Variants in KCNB2 observed in about 807,000 individuals in gnomAD.
The protein encoded by KCNB2 is potassium voltage-gated channel subfamily B member 2, also known as delayed rectifier potassium channel protein.
A neutral mutation model predicts 61.5 loss-of-function variants in KCNB2; 15 were observed. The ratio of observed to expected loss-of-function variants is 0.24; its 90% CI spans 0.16 to 0.38. KCNB2 has a LOEUF of 0.38. Among genes scored for constraint, KCNB2 ranks in the 10% least tolerant of loss-of-function variants. KCNB2 has a pLI of 1.00. For synonymous variants in KCNB2, 457 were observed against 446.0 expected (o/e 1.02, Z -0.31); for missense variants, 828 against 1,125.2 (o/e 0.74, Z 3.78).
At chr8:72,832,685 C>T (rs1278787818) in intron 2 of KCNB2, among the ~76,000 whole-genome samples, 4 of 152,082 alleles carry the variant, frequency 2.6e-5, no homozygotes, top group African/African-American at 9.7e-5. Flanking sequence ...AGACGGAGCC[C>T]CTGAGTCAGA....
intron 2 of KCNB2, among the ~76,000 whole-genome samples, chr8:72,928,130 A>G (rs1258910936): frequency 6.6e-6 from 1 of 151,848 alleles, no homozygotes; most frequent in Middle Eastern, 3.2e-3. Context: ...TTCATGAATT[A>G]TCTTTTCAAA....
chr8:72,915,540 C>T (rs4007406), intron 2 of KCNB2, among the ~76,000 whole-genome samples: 89,637 of 151,892 alleles, frequency 0.59, 27,729 homozygotes, highest in Middle Eastern at 0.7. Flanking sequence ...TAAACATAGA[C>T]ACAGACATAG....
intron 2 of KCNB2, among the ~76,000 whole-genome samples, chr8:72,852,890 T>G (rs1347370421): frequency 6.6e-6 from 1 of 152,206 alleles, no homozygotes; most frequent in Non-Finnish European, 1.5e-5. Flanking sequence ...ATTAATACAA[T>G]GTAATCAGTA....
At position 72,722,536 on chromosome 8, in the gene KCNB2, T is replaced by C. The variant is rs143582493; in HGVS notation, c.579+154223T>C. ...CCACTCTCTTTGTCTAGCTAACACC[T>C]GTTATTCCTTTGTAGTACTTGTCAG... On this transcript the variant is annotated intron_variant, in intron 2 of 2. Coordinates refer to ENST00000523207, the MANE Select transcript of KCNB2 (RefSeq NM_004770.3). Among the ~76,000 whole-genome samples the C allele has an allele frequency of 2.0e-4, 31 of 152,344 alleles. No individual in the cohort carries two copies. In the East Asian group the frequency reaches 6.0e-3, roughly 29 times the overall value.
intron 2 of KCNB2, among the ~76,000 whole-genome samples, chr8:72,669,361 C>T (rs72668176): frequency 0.029 from 4,428 of 152,252 alleles, 99 homozygotes; most frequent in Middle Eastern, 0.082. Flanking sequence ...GTAAGTATGA[C>T]ATTTTGTTTT....
intron 2 of KCNB2, among the ~76,000 whole-genome samples, chr8:72,600,411 G>T (rs1279784216): frequency 6.6e-6 from 1 of 152,048 alleles, no homozygotes; most frequent in African/African-American, 2.4e-5. Context: ...CATGGACACA[G>T]GAAGGGGAAC....
At chr8:72,783,050 C>G (rs1808788959) in intron 2 of KCNB2, among the ~76,000 whole-genome samples, 2 of 152,120 alleles carry the variant, frequency 1.3e-5, no homozygotes, top group African/African-American at 2.4e-5. Context: ...TCAATCTACT[C>G]TACATTATAG....
intron 2 of KCNB2, among the ~76,000 whole-genome samples, chr8:72,860,651 GC>G (rs1185476675): frequency 1.3e-5 from 2 of 152,168 alleles, no homozygotes; most frequent in Non-Finnish European, 2.9e-5. Flanking sequence ...TAGCAAGCAG[GC>G]CCTTTACTAC....
intron 2 of KCNB2, among the ~76,000 whole-genome samples, chr8:72,598,833 A>G (rs1807241678): frequency 6.6e-6 from 1 of 152,198 alleles, no homozygotes. Context: ...ATCATGAGTG[A>G]ACTCCCATTC....
At chr8:72,780,554 T>A (rs1372656811) in intron 2 of KCNB2, among the ~76,000 whole-genome samples, 4 of 152,140 alleles carry the variant, frequency 2.6e-5, no homozygotes, top group Admixed American at 6.6e-5. Context: ...CAGTCCAAAG[T>A]TTCTTAATGA....
chr8:72,740,685 T>A (rs1807937705), intron 2 of KCNB2, among the ~76,000 whole-genome samples: 1 of 152,224 alleles, frequency 6.6e-6, no homozygotes, highest in Non-Finnish European at 1.5e-5. Flanking sequence ...CTCCTTTGAA[T>A]GCTTTAGTCT....
intron 2 of KCNB2, among the ~76,000 whole-genome samples, chr8:72,934,373 C>T (rs191787677): frequency 7.3e-6 from 1 of 137,548 alleles, no homozygotes; most frequent in African/African-American, 2.7e-5. Context: ...CAGAACAAAA[C>T]CTTTCCCCCT....
At chr8:72,841,372 C>CTTTTTT (rs769263287) in intron 2 of KCNB2, among the ~76,000 whole-genome samples, 254 of 33,962 alleles carry the variant, frequency 7.5e-3, no homozygotes, top group East Asian at 0.018. Context: ...TTTTTTTTTT[C>CTTTTTT]TTTTTTTTTT....
At chr8:72,922,058 A>C (rs548322887) in intron 2 of KCNB2, among the ~76,000 whole-genome samples, 1 of 152,238 alleles carries the variant, frequency 6.6e-6, no homozygotes. Context: ...CTAGAAGTCT[A>C]AAACCAAGGT....
chr8:72,646,667 G>C (rs898931322), intron 2 of KCNB2, among the ~76,000 whole-genome samples: 2 of 152,182 alleles, frequency 1.3e-5, no homozygotes, highest in Non-Finnish European at 2.9e-5. Context: ...TATACGAGGT[G>C]TCTTGAGAAG....
intron 2 of KCNB2, among the ~76,000 whole-genome samples, chr8:72,671,220 A>G (rs148527684): frequency 2.6e-3 from 400 of 152,332 alleles, no homozygotes; most frequent in African/African-American, 9.1e-3. Flanking sequence ...CACAAAGGCA[A>G]TGCACATTCC....
intron 2 of KCNB2, among the ~76,000 whole-genome samples, chr8:72,587,558 G>A (rs554124764): frequency 6.6e-6 from 1 of 152,110 alleles, no homozygotes; most frequent in Non-Finnish European, 1.5e-5. Flanking sequence ...TGAAATGTGG[G>A]CTGTATAAGA....
intron 2 of KCNB2, among the ~76,000 whole-genome samples, chr8:72,739,947 T>G (rs1195848589): frequency 3.9e-5 from 6 of 152,054 alleles, no homozygotes; most frequent in Non-Finnish European, 7.4e-5. Context: ...AGTGAATATT[T>G]GCTGATTGAT....
At chr8:72,641,327 TC>T (rs1458687722) in intron 2 of KCNB2, among the ~76,000 whole-genome samples, 1 of 152,144 alleles carries the variant, frequency 6.6e-6, no homozygotes, top group Non-Finnish European at 1.5e-5. Flanking sequence ...ACTTATTTTT[TC>T]TGTCACTATC....
Sources: allele counts gnomAD v4.1 joint callset (sites outside exome capture counted in the v4.1 genomes callset), GRCh38; gene constraint gnomAD v4.1.1; transcripts MANE v1.5; gene names NCBI Gene and HGNC (gene_info 2026-07-23, HGNC 2026-07-21).